OSBPL1A: variants seen among roughly 807,000 people sequenced by gnomAD.
OSBPL1A encodes the protein oxysterol-binding protein-related protein 1.
In OSBPL1A, 80 loss-of-function variants were observed where a neutral mutation model predicts 137.1. The observed-to-expected ratio is 0.58, with a 90% CI of 0.49 to 0.70. The LOEUF (loss-of-function observed/expected upper bound fraction) is 0.70, where lower values mean the gene tolerates loss of function less well. Ranked by LOEUF, OSBPL1A falls within the 30% of genes least tolerant of loss-of-function variation. The pLI is 0.00. For synonymous variants in OSBPL1A, 365 were observed against 389.7 expected (o/e 0.94, Z 0.75); for missense variants, 970 against 1,129.4 (o/e 0.86, Z 2.02).
intron 1 of OSBPL1A, among the ~76,000 whole-genome samples, chr18:24,386,920 G>A (rs888757954): frequency 6.6e-6 from 1 of 152,036 alleles, no homozygotes; most frequent in Non-Finnish European, 1.5e-5. Flanking sequence ...TTACACCATT[G>A]CACTCCGGCC....
intron 14 of OSBPL1A, among the ~76,000 whole-genome samples, chr18:24,300,570 C>T (rs2090380535): frequency 6.6e-6 from 1 of 152,124 alleles, no homozygotes; most frequent in African/African-American, 2.4e-5. Context: ...GAGACAGGGA[C>T]TAAAGGGCAG....
At chr18:24,359,341 G>A (rs1461640924) in intron 4 of OSBPL1A, among the ~76,000 whole-genome samples, 1 of 152,024 alleles carries the variant, frequency 6.6e-6, no homozygotes, top group Non-Finnish European at 1.5e-5. Flanking sequence ...TCCTGCCTTC[G>A]CCTCCTGTGT....
chr18:24,190,146 C>T, intron 18 of OSBPL1A, among the ~76,000 whole-genome samples: 1 of 152,080 alleles, frequency 6.6e-6, no homozygotes, highest in Non-Finnish European at 1.5e-5. Flanking sequence ...CTGGACAACA[C>T]CTACACAGGA....
intron 17 of OSBPL1A, among the ~76,000 whole-genome samples, chr18:24,209,176 T>C (rs2087460094): frequency 6.6e-6 from 1 of 152,244 alleles, no homozygotes; most frequent in South Asian, 2.1e-4. Flanking sequence ...ATACTCATGA[T>C]ACGTGTATTT....
intron 14 of OSBPL1A, among the ~76,000 whole-genome samples, chr18:24,293,963 G>C (rs977344987): frequency 2.6e-5 from 4 of 152,184 alleles, no homozygotes; most frequent in African/African-American, 9.7e-5. Flanking sequence ...GGTGGCAACA[G>C]AGAAAGTGGT....
At chr18:24,204,079 G>A (rs555119585) in intron 17 of OSBPL1A, among the ~76,000 whole-genome samples, 20 of 152,294 alleles carry the variant, frequency 1.3e-4, no homozygotes, top group Non-Finnish European at 2.9e-4. Flanking sequence ...CTGGGTCAAG[G>A]AGTATCTCTA....
At chr18:24,334,593 T>G (rs1447774826) in intron 5 of OSBPL1A, among the ~76,000 whole-genome samples, 1 of 152,204 alleles carries the variant, frequency 6.6e-6, no homozygotes, top group Non-Finnish European at 1.5e-5. Flanking sequence ...TATGGATTAC[T>G]TTTATGTACC....
chr18:24,262,167 TTGCATCAGATTGGCAA>T (rs1227614090), intron 15 of OSBPL1A, among the ~76,000 whole-genome samples: 2 of 152,216 alleles, frequency 1.3e-5, no homozygotes, highest in African/African-American at 4.8e-5. Context: ...TCATCAAATT[TTGCATCAGATTGGCAA>T]TGCATCAGAT....
intron 17 of OSBPL1A, among the ~76,000 whole-genome samples, chr18:24,203,982 G>A (rs1432657511): frequency 6.6e-6 from 1 of 152,166 alleles, no homozygotes; most frequent in African/African-American, 2.4e-5. Context: ...AAGAAACAAT[G>A]CAACAAAAAT....
rs1567908874 is a variant in OSBPL1A at position 24,162,300 on chromosome 18, A to G, written c.*879T>C. The G allele has an allele frequency of 6.6e-6, 1 of 152,232 alleles. No individual in the cohort carries two copies. The highest frequency in any genetic ancestry group is 1.5e-5 in the Non-Finnish European group (1 of 68,042). The allele number at this position is 152,232 out of a possible 1,614,324, so 9.4% of individuals were successfully genotyped here. A position where few individuals can be genotyped will look rare whatever the true frequency, so the allele number is the denominator to read the frequency against. On this transcript the variant is annotated 3_prime_UTR_variant, in exon 28 of 28. Transcript: ENST00000319481. ...TACACAGGTACTTTGCAAACTTGAA[A>G]TGCACAAGGCCTCCTTTTATATAGT...
chr18:24,204,990 C>G (rs1172126869), intron 17 of OSBPL1A, among the ~76,000 whole-genome samples: 1 of 152,210 alleles, frequency 6.6e-6, no homozygotes, highest in Admixed American at 6.5e-5. Flanking sequence ...CCCAGGCTAG[C>G]TTTAAAGAGT....
At chr18:24,183,671 G>T (rs2086669617) in intron 18 of OSBPL1A, among the ~76,000 whole-genome samples, 1 of 151,866 alleles carries the variant, frequency 6.6e-6, no homozygotes, top group Non-Finnish European at 1.5e-5. Context: ...CCTGACCTCA[G>T]GTGATCCACC....
chr18:24,268,643 C>T (rs573623645), intron 15 of OSBPL1A, among the ~76,000 whole-genome samples: 86 of 152,186 alleles, frequency 5.7e-4, no homozygotes, highest in African/African-American at 1.9e-3. Flanking sequence ...GGCAGCTTGT[C>T]TCCCTTGATC....
At chr18:24,318,666 T>G in intron 8 of OSBPL1A, 21 bp from the exon 9 acceptor site, 2 of 1,608,366 alleles carry the variant, frequency 1.2e-6, no homozygotes, top group Non-Finnish European at 1.7e-6. Flanking sequence ...CATGTTTTCA[T>G]GAAAAATGCA....
chr18:24,184,278 C>G (rs1159237202), intron 18 of OSBPL1A, among the ~76,000 whole-genome samples: 1 of 152,106 alleles, frequency 6.6e-6, no homozygotes, highest in Non-Finnish European at 1.5e-5. Flanking sequence ...ATACTGCCAC[C>G]AATGCTGCAT....
chr18:24,313,397 C>A (rs1434863957), intron 12 of OSBPL1A, among the ~76,000 whole-genome samples: 1 of 150,016 alleles, frequency 6.7e-6, no homozygotes, highest in Non-Finnish European at 1.5e-5. Flanking sequence ...GCCTAGATCC[C>A]ACCACTGCAC....
intron 9 of OSBPL1A, 64 bp downstream of exon 9, chr18:24,318,537 C>G: frequency 7.3e-7 from 1 of 1,366,666 alleles, no homozygotes. Context: ...AAGTTTTAAA[C>G]AGAAATAGAG....
At chr18:24,186,695 G>T (rs1378427864) in intron 18 of OSBPL1A, among the ~76,000 whole-genome samples, 3 of 152,052 alleles carry the variant, frequency 2.0e-5, no homozygotes, top group Non-Finnish European at 4.4e-5. Context: ...CACGAGGTCA[G>T]GAGTTCGAGA....
rs199563115 is a variant in OSBPL1A, at chr18:24,164,420, G to GGTTTTTTTTTTTTTTTTT, written c.2750+644_2750+645insAAAAAAAAAAAAAAAAAC. Among the ~76,000 whole-genome samples, 2 of 95,970 alleles carry GGTTTTTTTTTTTTTTTTT rather than the reference G, an allele frequency of 2.1e-5. 1 individual carries two copies. The highest frequency in any genetic ancestry group is 3.8e-5 in the Non-Finnish European group (2 of 52,490). 63.0% of individuals were successfully genotyped at this position (95,970 alleles called of 152,430 possible). A position where few individuals can be genotyped will look rare whatever the true frequency, so the allele number is the denominator to read the frequency against. ...ATGGAAAACAGTATGGAGATTTTTG[G>GGTTTTTTTTTTTTTTTTT]TTTTTTTTTTTTTTTTTTTTTTTTT... On this transcript the variant is annotated intron_variant, in intron 27 of 27. Transcript: ENST00000319481.
Sources: allele counts gnomAD v4.1 joint callset (sites outside exome capture counted in the v4.1 genomes callset), GRCh38; gene constraint gnomAD v4.1.1; transcripts MANE v1.5; gene names NCBI Gene and HGNC (gene_info 2026-07-23, HGNC 2026-07-21).